Variants in SUMF1 observed in about 807,000 individuals in gnomAD.
SUMF1 encodes the protein formylglycine-generating enzyme.
SUMF1 carries 48 observed loss-of-function variants against 47.6 expected under a neutral mutation model. That is an observed-to-expected ratio of 1.01 (90% CI 0.80 to 1.28). The LOEUF (loss-of-function observed/expected upper bound fraction) is 1.28. Among genes scored for constraint, SUMF1 ranks in the 50% most tolerant of loss-of-function variants. The probability of loss-of-function intolerance (pLI) is 0.00; values close to 1 mark genes in which losing one functional copy is unlikely to be tolerated. For synonymous variants in SUMF1, 230 were observed against 192.1 expected (o/e 1.20, Z -1.63); for missense variants, 571 against 485.4 (o/e 1.18, Z -1.66).
chr3:4,095,312 T>C (rs1056684401), intron 8 of SUMF1, among the ~76,000 whole-genome samples: 2 of 152,168 alleles, frequency 1.3e-5, no homozygotes, highest in African/African-American at 4.8e-5. Flanking sequence ...GCTTTCTTTT[T>C]GAAAAGGATT....
intron 8 of SUMF1, among the ~76,000 whole-genome samples, chr3:4,097,070 T>C (rs375214935): frequency 6.6e-6 from 1 of 152,166 alleles, no homozygotes; most frequent in East Asian, 1.9e-4. Context: ...ATTTCATTAT[T>C]AAAACTTCTG....
intron 8 of SUMF1, among the ~76,000 whole-genome samples, chr3:4,076,314 C>T (rs1692431520): frequency 6.6e-6 from 1 of 152,078 alleles, no homozygotes. Context: ...AACTGGATCC[C>T]TTCCTTAACA....
intron 8 of SUMF1, among the ~76,000 whole-genome samples, chr3:4,344,493 C>G (rs1202288249): frequency 1.3e-5 from 2 of 151,414 alleles, no homozygotes; most frequent in African/African-American, 2.4e-5. Context: ...ACAACAGCAT[C>G]AACAACAACA....
chr3:4,355,530 G>T (rs1193914463), intron 8 of SUMF1, among the ~76,000 whole-genome samples: 1 of 152,200 alleles, frequency 6.6e-6, no homozygotes. Context: ...GTAAATGTAG[G>T]TGAACCTTTT....
At chr3:4,425,564 A>G (rs2819579) in intron 3 of SUMF1, among the ~76,000 whole-genome samples, 137,641 of 151,814 alleles carry the variant, frequency 0.91, 63,807 homozygotes, top group Non-Finnish European at 1. Flanking sequence ...AGTGACCAAG[A>G]GCTAAGGGGT....
chr3:4,310,708 A>G (rs1250171397), intron 8 of SUMF1, among the ~76,000 whole-genome samples: 2 of 152,226 alleles, frequency 1.3e-5, no homozygotes, highest in African/African-American at 4.8e-5. Context: ...ATAACGAAAT[A>G]AAACTGTTTT....
intron 8 of SUMF1, among the ~76,000 whole-genome samples, chr3:4,334,482 T>A (rs1699107220): frequency 6.6e-6 from 1 of 152,162 alleles, no homozygotes; most frequent in South Asian, 2.1e-4. Flanking sequence ...ATAAAGAGGG[T>A]ATAGACCACA....
chr3:4,207,066 C>A (rs968842423), intron 8 of SUMF1, among the ~76,000 whole-genome samples: 12 of 151,992 alleles, frequency 7.9e-5, no homozygotes, highest in African/African-American at 2.9e-4. Flanking sequence ...AGTTCTTGTA[C>A]TTTAAAAAAT....
In SUMF1 at chr3:4,449,877, C is replaced by T. The variant is rs139900002; in HGVS notation, c.445-537G>A. ...ATTAGTGTCTCAATTCTTCATCCAC[C>T]TGATTATTTTTGTTGCATGTAACCC... is the stretch of plus-strand genomic sequence containing the variant. On this transcript the variant is annotated intron_variant, in intron 2 of 8. Coordinates refer to ENST00000272902, the MANE Select transcript of SUMF1 (RefSeq NM_182760.4). Among the ~76,000 whole-genome samples the T allele has an allele frequency of 4.0e-3, 608 of 152,290 alleles. 4 individuals are homozygous for T. The highest frequency in any genetic ancestry group is 0.014 in the Middle Eastern group (4 of 294).
chr3:4,150,927 G>T (rs1694304874), intron 8 of SUMF1, among the ~76,000 whole-genome samples: 1 of 151,348 alleles, frequency 6.6e-6, no homozygotes, highest in Admixed American at 6.6e-5. Context: ...CCCCAAAACG[G>T]CCAGCAAACT....
At chr3:4,293,327 A>C (rs1697777689) in intron 8 of SUMF1, among the ~76,000 whole-genome samples, 1 of 152,174 alleles carries the variant, frequency 6.6e-6, no homozygotes, top group South Asian at 2.1e-4. Flanking sequence ...CCCAAAACAC[A>C]ACTTCCTTGA....
chr3:4,333,472 A>C (rs1388146302), intron 8 of SUMF1, among the ~76,000 whole-genome samples: 1 of 152,336 alleles, frequency 6.6e-6, no homozygotes, highest in South Asian at 2.1e-4. Flanking sequence ...TTTAGGGCCT[A>C]ATATTTAAAT....
chr3:4,296,243 T>C (rs1208549026), intron 8 of SUMF1, among the ~76,000 whole-genome samples: 2 of 151,840 alleles, frequency 1.3e-5, no homozygotes, highest in East Asian at 3.9e-4. Flanking sequence ...TGTTATAAAA[T>C]TCTATTAATA....
At chr3:4,353,485 C>T (rs1480918065) in intron 8 of SUMF1, among the ~76,000 whole-genome samples, 3 of 152,158 alleles carry the variant, frequency 2.0e-5, no homozygotes, top group Admixed American at 6.5e-5. Context: ...ATCTCCTGAC[C>T]TCGTGATCCG....
At chr3:4,312,553 AAATT>A (rs1698448013) in intron 8 of SUMF1, among the ~76,000 whole-genome samples, 1 of 152,082 alleles carries the variant, frequency 6.6e-6, no homozygotes, top group African/African-American at 2.4e-5. Flanking sequence ...CAAATTCTAA[AAATT>A]AATCTTAGCT....
At chr3:4,111,557 A>C (rs1488013504) in intron 8 of SUMF1, among the ~76,000 whole-genome samples, 1 of 151,994 alleles carries the variant, frequency 6.6e-6, no homozygotes, top group African/African-American at 2.4e-5. Context: ...GTCTCTACTA[A>C]AAATACAAAA....
chr3:4,428,790 A>T (rs892186980), intron 3 of SUMF1, among the ~76,000 whole-genome samples: 1 of 152,240 alleles, frequency 6.6e-6, no homozygotes, highest in Non-Finnish European at 1.5e-5. Context: ...TATCAAATTA[A>T]TGTTCATTAA....
intron 1 of SUMF1, 98 bp from the exon 2 acceptor site, chr3:4,453,147 T>G: frequency 1.6e-6 from 2 of 1,245,114 alleles, no homozygotes; most frequent in Non-Finnish European, 2.3e-6. Flanking sequence ...CGCAAGTTTG[T>G]AAATCTTCAC....
chr3:4,254,834 G>A (rs1343594334), intron 8 of SUMF1, among the ~76,000 whole-genome samples: 2 of 151,750 alleles, frequency 1.3e-5, no homozygotes, highest in African/African-American at 4.8e-5. Context: ...AAGTTGAAAT[G>A]AAGGAAAAAA....
Sources: gnomAD v4.1 joint callset for allele counts (sites outside exome capture counted in the v4.1 genomes callset) on GRCh38, gnomAD v4.1.1 for gene constraint, MANE v1.5 for transcripts, NCBI Gene and HGNC (gene_info 2026-07-23, HGNC 2026-07-21) for gene names.